NCOA1: variants seen among roughly 807,000 people sequenced by gnomAD.
NCOA1 encodes Hin-2 protein.
NCOA1 carries 35 observed loss-of-function variants against 150.9 expected under a neutral mutation model. The observed-to-expected ratio is 0.23, with a 90% CI of 0.18 to 0.31. NCOA1 has a LOEUF of 0.31. NCOA1 is among the 10% of genes least tolerant of loss of function. The pLI is 1.00. For synonymous variants in NCOA1, 590 were observed against 630.0 expected (o/e 0.94, Z 0.95); for missense variants, 1,491 against 1,749.3 (o/e 0.85, Z 2.63).
In NCOA1 at chr2:24,713,577, A is replaced by G. The variant is rs1394884832; in HGVS notation, c.2599+2466A>G. Among the ~76,000 whole-genome samples, 4 of 152,224 alleles carry G rather than the reference A, an allele frequency of 2.6e-5. No homozygotes were observed. The East Asian group carries it at 7.7e-4, about 29-fold the overall frequency. On this transcript the variant is annotated intron_variant, in intron 14 of 22. Coordinates refer to ENST00000348332, the MANE Select transcript of NCOA1 (RefSeq NM_003743.5). The stretch of plus-strand genomic sequence containing the variant: ...ACTTCTACTTTCAACTATGACAGCA[A>G]TAATTGGCACTGGTCTAGTCCTCCC...
chr2:24,734,721 C>T (rs1663201785), intron 17 of NCOA1, among the ~76,000 whole-genome samples: 1 of 152,054 alleles, frequency 6.6e-6, no homozygotes, highest in South Asian at 2.1e-4. Context: ...TTGGGAGGAT[C>T]TCTTGAGCCA....
At chr2:24,516,786 C>A (rs1348392035) in intron 1 of NCOA1, among the ~76,000 whole-genome samples, 1 of 147,388 alleles carries the variant, frequency 6.8e-6, no homozygotes, top group Non-Finnish European at 1.5e-5. Context: ...GCCTCTCTGG[C>A]CTTCATTCCA....
intron 17 of NCOA1, among the ~76,000 whole-genome samples, chr2:24,735,906 G>A (rs1663274784): frequency 6.6e-6 from 1 of 152,062 alleles, no homozygotes; most frequent in Non-Finnish European, 1.5e-5. Context: ...AGCAAAAATG[G>A]GTAGACCTGC....
intron 18 of NCOA1, among the ~76,000 whole-genome samples, chr2:24,739,906 A>G (rs867011632): frequency 6.6e-6 from 1 of 152,052 alleles, no homozygotes. Context: ...TGTCTTAACT[A>G]TCTTGTGTAC....
At chr2:24,683,229 T>C in intron 8 of NCOA1, 101 bp downstream of exon 8, 1 of 653,062 alleles carries the variant, frequency 1.5e-6, no homozygotes, top group Non-Finnish European at 2.2e-6. Flanking sequence ...TACACAGTAT[T>C]ATATATGTTA....
chr2:24,501,356 G>T (rs1243976764), intron 1 of NCOA1, among the ~76,000 whole-genome samples: 1 of 152,068 alleles, frequency 6.6e-6, no homozygotes. Context: ...ATATTACAAA[G>T]TATGAAAGCA....
In NCOA1 at chr2:24,742,148, C is replaced by T; in HGVS notation, c.3668C>T (p.Pro1223Leu). Residue 1223 changes from proline (P) to leucine (L), a missense_variant, in exon 19 of 23, where the codon CCT becomes CTT. Transcript: ENST00000348332. ...IGGQFGTGIN[P>L]QMQQNVFQYP... is the part of the protein sequence containing the mutation. ...GGACAGTTTGGCACTGGAATCAATC[C>T]TCAGATGCAGCAGAATGTCTTCCAG... 2 of 1,613,722 alleles carry T rather than the reference C, an allele frequency of 1.2e-6. No homozygotes were observed. The highest frequency in any genetic ancestry group is 1.7e-6 in the Non-Finnish European group (2 of 1,179,788).
rs868616494 is a variant in NCOA1, at chr2:24,705,993, G to A, written c.1098-575G>A. ...TATGCTTGTGAGTGGAATTAGCACAGTTCTTTTTTTTTCATATTGTGATTT... is the reference window on the plus strand; with the variant it reads ...TATGCTTGTGAGTGGAATTAGCACAATTCTTTTTTTTTCATATTGTGATTT... On this transcript the variant is annotated intron_variant, in intron 12 of 22. Transcript: ENST00000348332. Among the ~76,000 whole-genome samples, 4 of 152,070 alleles carry A rather than the reference G, an allele frequency of 2.6e-5. No homozygotes were observed. In the South Asian group the frequency reaches 8.3e-4, roughly 32 times the overall value.
chr2:24,536,584 G>A (rs959393158), intron 1 of NCOA1, among the ~76,000 whole-genome samples: 7 of 152,048 alleles, frequency 4.6e-5, no homozygotes, highest in Non-Finnish European at 1.0e-4. Context: ...CCATCTTTGT[G>A]GTTTTATCTA....
chr2:24,646,474 A>G (rs1412281641), intron 4 of NCOA1, among the ~76,000 whole-genome samples: 1 of 152,206 alleles, frequency 6.6e-6, no homozygotes, highest in Non-Finnish European at 1.5e-5. Context: ...ATTCACAATC[A>G]TAGATTGCAT....
At chr2:24,504,344 G>T (rs1006675966) in intron 1 of NCOA1, among the ~76,000 whole-genome samples, 5 of 152,208 alleles carry the variant, frequency 3.3e-5, no homozygotes, top group East Asian at 1.9e-4. Flanking sequence ...TGTGGCTTTG[G>T]CCCTAAAGTG....
intron 3 of NCOA1, among the ~76,000 whole-genome samples, chr2:24,637,079 T>TG (rs1399129134): frequency 2.6e-5 from 4 of 151,640 alleles, no homozygotes; most frequent in African/African-American, 2.4e-5. Context: ...TTTAAAATCT[T>TG]TTTTTTATTA....
At chr2:24,537,990 T>TA (rs1665237649) in intron 1 of NCOA1, among the ~76,000 whole-genome samples, 1 of 152,212 alleles carries the variant, frequency 6.6e-6, no homozygotes, top group Non-Finnish European at 1.5e-5. Flanking sequence ...TCCTTCCTGG[T>TA]AATCCCACAC....
intron 1 of NCOA1, among the ~76,000 whole-genome samples, chr2:24,549,506 G>T (rs1283366027): frequency 6.6e-6 from 1 of 152,158 alleles, no homozygotes; most frequent in African/African-American, 2.4e-5. Context: ...ATTCTCCTCA[G>T]AAAATAGGAT....
chr2:24,731,522 A>G (rs993517511), intron 17 of NCOA1, among the ~76,000 whole-genome samples: 4 of 152,194 alleles, frequency 2.6e-5, no homozygotes, highest in Non-Finnish European at 4.4e-5. Flanking sequence ...ATGTGCTTCC[A>G]TTCTGTTTAA....
intron 1 of NCOA1, among the ~76,000 whole-genome samples, chr2:24,555,858 T>G (rs1191922971): frequency 6.6e-6 from 1 of 152,248 alleles, no homozygotes; most frequent in Non-Finnish European, 1.5e-5. Context: ...AGTTGGATCT[T>G]GTTTTAAACA....
chr2:24,597,077 T>A (rs540577832), intron 3 of NCOA1, among the ~76,000 whole-genome samples: 1 of 152,340 alleles, frequency 6.6e-6, no homozygotes, highest in South Asian at 2.1e-4. Flanking sequence ...GCTTAGGGTG[T>A]ATAATTGGTT....
chr2:24,741,737 T>G (rs1460248484), intron 18 of NCOA1, 47 bp from the exon 19 acceptor site: 9 of 1,550,094 alleles, frequency 5.8e-6, no homozygotes, highest in African/African-American at 2.7e-5. Flanking sequence ...CCAGGATAGA[T>G]AGTGATTATA....
chr2:24,594,085 A>G (rs1422845593), intron 3 of NCOA1, among the ~76,000 whole-genome samples: 1 of 152,134 alleles, frequency 6.6e-6, no homozygotes, highest in Non-Finnish European at 1.5e-5. Context: ...GGAAATGTAC[A>G]ATTATTCAAG....
Sources: allele counts gnomAD v4.1 joint callset (sites outside exome capture counted in the v4.1 genomes callset), GRCh38; gene constraint gnomAD v4.1.1; transcripts MANE v1.5; gene names NCBI Gene and HGNC (gene_info 2026-07-23, HGNC 2026-07-21).